ELMO1: variants seen among roughly 807,000 people sequenced by gnomAD.
ELMO1 encodes the protein engulfment and cell motility 1, also known as engulfment and cell motility protein 1.
ELMO1 carries 26 observed loss-of-function variants against 98.9 expected under a neutral mutation model. The ratio of observed to expected loss-of-function variants is 0.26; its 90% CI spans 0.19 to 0.36. The LOEUF (loss-of-function observed/expected upper bound fraction) is 0.36, where lower values mean the gene tolerates loss of function less well. Ranked by LOEUF, ELMO1 falls within the 10% of genes least tolerant of loss-of-function variation. ELMO1 has a pLI of 1.00. For missense variants in ELMO1, 627 were observed against 935.2 expected, an observed-to-expected ratio of 0.67 and a Z score of 4.30; for synonymous variants, 346 against 346.0, an observed-to-expected ratio of 1.00 and a Z score of 0.00.
chr7:37,219,005 T>C (rs1292881569), intron 10 of ELMO1, among the ~76,000 whole-genome samples: 1 of 152,210 alleles, frequency 6.6e-6, no homozygotes, highest in Non-Finnish European at 1.5e-5. Flanking sequence ...GTGAACTGAA[T>C]AATGGTAAAA....
intron 15 of ELMO1, among the ~76,000 whole-genome samples, chr7:37,028,736 C>T (rs1766257480): frequency 1.3e-5 from 2 of 152,152 alleles, no homozygotes; most frequent in East Asian, 1.9e-4. Context: ...GCATGTGCCA[C>T]TACACCTAGC....
chr7:36,960,625 CCTT>C (rs1788861778), intron 16 of ELMO1, among the ~76,000 whole-genome samples: 1 of 148,910 alleles, frequency 6.7e-6, no homozygotes, highest in Admixed American at 6.8e-5. Flanking sequence ...ACCCCTTAAA[CCTT>C]CTTTATTTTT....
intron 15 of ELMO1, among the ~76,000 whole-genome samples, chr7:37,091,363 G>A (rs891497359): frequency 1.3e-5 from 2 of 152,070 alleles, no homozygotes; most frequent in South Asian, 2.1e-4. Flanking sequence ...CGCCTCGGCC[G>A]CTGAAAGTGC....
intron 16 of ELMO1, among the ~76,000 whole-genome samples, chr7:36,999,408 T>C (rs866497954): frequency 1.3e-5 from 2 of 152,136 alleles, no homozygotes; most frequent in South Asian, 4.1e-4. Flanking sequence ...TCCATGACGA[T>C]CAGTCTCTAG....
intron 14 of ELMO1, among the ~76,000 whole-genome samples, chr7:37,109,908 T>C (rs908360727): frequency 2.0e-5 from 3 of 152,204 alleles, no homozygotes; most frequent in African/African-American, 7.2e-5. Flanking sequence ...TCCTCAACAA[T>C]GGACAAAGAC....
chr7:36,896,680 GTTT>G lies in ELMO1; in HGVS notation c.1438-1666_1438-1664del, dbSNP rs59923094. Among the ~76,000 whole-genome samples, 1,388 of 151,430 alleles carry G rather than the reference GTTT, an allele frequency of 9.2e-3. 18 individuals are homozygous for G. The highest frequency in any genetic ancestry group is 0.031 in the African/African-American group (1,297 of 41,278). On this transcript the variant is annotated intron_variant, in intron 16 of 21. Coordinates refer to ENST00000310758, the MANE Select transcript of ELMO1 (RefSeq NM_014800.11). ...CACCAGATCTGCTGGTTTTTTGTTT[GTTT>G]TTTTTTTTTAACTTAGGCAAAATGC...
intron 1 of ELMO1, among the ~76,000 whole-genome samples, chr7:37,443,707 C>CA (rs1805503302): frequency 6.6e-6 from 1 of 152,168 alleles, no homozygotes; most frequent in Non-Finnish European, 1.5e-5. Flanking sequence ...TGTTAACACT[C>CA]AAACAACCCA....
Position 37,177,093 on chromosome 7 carries a change from T to G in ELMO1, c.1086+34293A>C, listed in dbSNP as rs146000059. On this transcript the variant is annotated intron_variant, in intron 13 of 21. Transcript: ENST00000310758. ...TTCCAGTGGAACTGAAATTAAGAGC[T>G]TCAAGGAATTAAAGAAGACCACCTT... Among the ~76,000 whole-genome samples the G allele has an allele frequency of 4.7e-3, 718 of 152,270 alleles. 3 individuals carry two copies. The highest frequency in any genetic ancestry group is 0.012 in the Admixed American group (186 of 15,300).
chr7:37,367,736 GAAAC>G (rs372938037), intron 1 of ELMO1, among the ~76,000 whole-genome samples: 16 of 151,936 alleles, frequency 1.1e-4, no homozygotes, highest in South Asian at 4.1e-4. Context: ...GTCCCTACCA[GAAAC>G]AAACAAACAA....
At chr7:37,053,718 T>C (rs544904686) in intron 15 of ELMO1, among the ~76,000 whole-genome samples, 1 of 152,340 alleles carries the variant, frequency 6.6e-6, no homozygotes, top group African/African-American at 2.4e-5. Flanking sequence ...TCATTTACCA[T>C]GGCTTAGATT....
At chr7:36,879,846 T>C (rs1376136921) in intron 18 of ELMO1, among the ~76,000 whole-genome samples, 1 of 152,246 alleles carries the variant, frequency 6.6e-6, no homozygotes, top group Non-Finnish European at 1.5e-5. Flanking sequence ...TGGGAGAGCA[T>C]TTCAAAGGGA....
intron 2 of ELMO1, among the ~76,000 whole-genome samples, chr7:37,320,975 A>G (rs1799460483): frequency 6.6e-6 from 1 of 152,224 alleles, no homozygotes. Flanking sequence ...AGAATGATTC[A>G]TGTAGGAATT....
At chr7:37,378,102 G>C (rs1198480712) in intron 1 of ELMO1, among the ~76,000 whole-genome samples, 1 of 152,178 alleles carries the variant, frequency 6.6e-6, no homozygotes, top group Non-Finnish European at 1.5e-5. Flanking sequence ...TACAACCCAA[G>C]TTCAGAAACA....
At chr7:37,171,772 G>A (rs1307397925) in intron 13 of ELMO1, among the ~76,000 whole-genome samples, 4 of 152,100 alleles carry the variant, frequency 2.6e-5, no homozygotes, top group South Asian at 2.1e-4. Context: ...GATTACAGGC[G>A]TGAGCCACCA....
intron 15 of ELMO1, among the ~76,000 whole-genome samples, chr7:37,037,654 A>G (rs1795267995): frequency 6.6e-6 from 1 of 152,224 alleles, no homozygotes; most frequent in Non-Finnish European, 1.5e-5. Flanking sequence ...GGAAGGGGCT[A>G]GTATCAAGTG....
intron 16 of ELMO1, among the ~76,000 whole-genome samples, chr7:36,939,960 C>T (rs1359419337): frequency 1.3e-5 from 2 of 152,222 alleles, no homozygotes; most frequent in Admixed American, 6.5e-5. Context: ...TTACATGTGA[C>T]GTGTGCTCAA....
chr7:37,377,357 G>A (rs139034187), intron 1 of ELMO1, among the ~76,000 whole-genome samples: 1 of 151,962 alleles, frequency 6.6e-6, no homozygotes, highest in African/African-American at 2.4e-5. Context: ...ATGTGTCTCG[G>A]GGTAGCCAAA....
intron 1 of ELMO1, among the ~76,000 whole-genome samples, chr7:37,446,022 A>G (rs1805597819): frequency 6.6e-6 from 1 of 152,182 alleles, no homozygotes; most frequent in Non-Finnish European, 1.5e-5. Context: ...AAAAGGGAGG[A>G]GTCTACTCAA....
At chr7:37,100,659 T>C (rs1426054950) in intron 14 of ELMO1, among the ~76,000 whole-genome samples, 1 of 152,242 alleles carries the variant, frequency 6.6e-6, no homozygotes. Context: ...GCTTCTTCCA[T>C]GCCCTGTCAC....
Sources: allele counts gnomAD v4.1 joint callset (sites outside exome capture counted in the v4.1 genomes callset), GRCh38; gene constraint gnomAD v4.1.1; transcripts MANE v1.5; gene names NCBI Gene and HGNC (gene_info 2026-07-23, HGNC 2026-07-21).